Variants in EYS observed in about 807,000 individuals in gnomAD.
The protein encoded by EYS is protein eyes shut homolog.
A neutral mutation model predicts 282.1 loss-of-function variants in EYS; 250 were observed. The observed-to-expected ratio is 0.89, with a 90% CI of 0.80 to 0.98. The LOEUF (loss-of-function observed/expected upper bound fraction) is 0.98, where lower values mean the gene tolerates loss of function less well. Among genes scored for constraint, EYS ranks in the 50% least tolerant of loss-of-function variants. EYS has a pLI of 0.00. For synonymous variants in EYS, 1,355 were observed against 1,282.9 expected, an observed-to-expected ratio of 1.06 and a Z score of -1.20; for missense variants, 4,016 against 3,709.0, an observed-to-expected ratio of 1.08 and a Z score of -2.15.
At chr6:64,908,469 G>A (rs1359468398) in intron 16 of EYS, among the ~76,000 whole-genome samples, 1 of 151,998 alleles carries the variant, frequency 6.6e-6, no homozygotes, top group Non-Finnish European at 1.5e-5. Context: ...TGCCAGGGAG[G>A]GCAAAGGGCT....
intron 19 of EYS, among the ~76,000 whole-genome samples, chr6:64,852,855 T>C (rs2150042892): frequency 6.6e-6 from 1 of 152,218 alleles, no homozygotes; most frequent in South Asian, 2.1e-4. Context: ...GGGAGCATGG[T>C]CCTTCTGAAA....
At chr6:64,916,110 T>C (rs2150078727) in intron 15 of EYS, among the ~76,000 whole-genome samples, 1 of 152,302 alleles carries the variant, frequency 6.6e-6, no homozygotes, top group African/African-American at 2.4e-5. Flanking sequence ...ATGGCAATTT[T>C]AAGAGGAGAA....
intron 21 of EYS, among the ~76,000 whole-genome samples, 153 bp from the exon 22 acceptor site, chr6:64,813,730 C>T (rs1764667075): frequency 6.6e-6 from 1 of 151,992 alleles, no homozygotes; most frequent in East Asian, 1.9e-4. Flanking sequence ...ATGTTTATGA[C>T]AGTAAGCGGT....
chr6:65,452,812 C>T (rs1764454669), intron 5 of EYS, among the ~76,000 whole-genome samples: 1 of 151,868 alleles, frequency 6.6e-6, no homozygotes, highest in African/African-American at 2.4e-5. Flanking sequence ...TGTACGTGGC[C>T]CATATCAACA....
chr6:64,524,870 TA>T (rs1777869167), intron 26 of EYS, among the ~76,000 whole-genome samples: 1 of 151,578 alleles, frequency 6.6e-6, no homozygotes, highest in South Asian at 2.1e-4. Context: ...GCAAAACACA[TA>T]AACAGACACT....
intron 36 of EYS, among the ~76,000 whole-genome samples, chr6:63,838,620 T>A (rs1266680793): frequency 6.6e-6 from 1 of 152,176 alleles, no homozygotes; most frequent in Non-Finnish European, 1.5e-5. Context: ...CACAAAAGTT[T>A]CTTAGCATTT....
chr6:63,727,723 A>ATATATATATATATATAT (rs1409002144), intron 41 of EYS, among the ~76,000 whole-genome samples: 1 of 64,448 alleles, frequency 1.6e-5, no homozygotes, highest in Non-Finnish European at 2.7e-5. Flanking sequence ...AAAAAAAAAA[A>ATATATATATATATATAT]AAAAAAAAAA....
At chr6:63,812,141 G>A (rs990843610) in intron 36 of EYS, among the ~76,000 whole-genome samples, 1 of 152,122 alleles carries the variant, frequency 6.6e-6, no homozygotes, top group African/African-American at 2.4e-5. Flanking sequence ...CAAAACTCCT[G>A]AACATAGCCT....
At chr6:65,237,709 T>C (rs1335117364) in intron 12 of EYS, among the ~76,000 whole-genome samples, 1 of 152,180 alleles carries the variant, frequency 6.6e-6, no homozygotes, top group African/African-American at 2.4e-5. Context: ...AAGGTTATTA[T>C]GAGATTTAAA....
intron 33 of EYS, among the ~76,000 whole-genome samples, chr6:64,025,744 C>G (rs971126624): frequency 1.3e-4 from 20 of 152,178 alleles, no homozygotes; most frequent in African/African-American, 4.6e-4. Context: ...GAAAGTGTAT[C>G]CTTCCTATTC....
chr6:63,930,559 CATT>C (rs1361323418), intron 35 of EYS, among the ~76,000 whole-genome samples: 7 of 152,038 alleles, frequency 4.6e-5, no homozygotes, highest in Non-Finnish European at 1.0e-4. Context: ...ATTTTCAAAT[CATT>C]GTTTTTTTAA....
intron 12 of EYS, among the ~76,000 whole-genome samples, chr6:65,093,688 A>C (rs968235613): frequency 1.1e-4 from 16 of 151,870 alleles, no homozygotes; most frequent in African/African-American, 3.6e-4. Context: ...TAATTCCACA[A>C]GAAGATGGCA....
intron 13 of EYS, among the ~76,000 whole-genome samples, chr6:65,001,797 T>A (rs1382978717): frequency 6.8e-6 from 1 of 147,608 alleles, no homozygotes; most frequent in Non-Finnish European, 1.5e-5. Context: ...ACATTCTACA[T>A]GTGTGATATA....
intron 26 of EYS, among the ~76,000 whole-genome samples, chr6:64,544,926 A>G (rs1270100250): frequency 6.6e-6 from 1 of 152,220 alleles, no homozygotes; most frequent in Non-Finnish European, 1.5e-5. Context: ...TTCACAGCCA[A>G]ATTCTACCAG....
At chr6:64,856,341 C>T (rs191490378) in intron 19 of EYS, among the ~76,000 whole-genome samples, 1 of 152,176 alleles carries the variant, frequency 6.6e-6, no homozygotes, top group African/African-American at 2.4e-5. Flanking sequence ...ACTCTCATCA[C>T]CCAGGATGGA....
Position 64,816,542 on chromosome 6 carries a change from T to G in EYS, c.3244-2965A>C, listed in dbSNP as rs1021850997. Among the ~76,000 whole-genome samples the G allele has an allele frequency of 6.6e-5, 10 of 152,104 alleles. No homozygotes were observed. The East Asian group carries it at 1.9e-3, about 29-fold the overall frequency. ...CACTTTTGCATGAGTCGTGATAGGC[T>G]TTCCCTAACTTAGGGATTCAAGATT... On this transcript the variant is annotated intron_variant, in intron 21 of 42. Transcript: ENST00000503581.
chr6:64,218,213 T>C (rs150791100), intron 31 of EYS, among the ~76,000 whole-genome samples: 159 of 152,190 alleles, frequency 1.0e-3, no homozygotes, highest in African/African-American at 3.7e-3. Flanking sequence ...TACTGCCAGG[T>C]GAATTTATTT....
chr6:63,830,745 A>C (rs907056777), intron 36 of EYS, among the ~76,000 whole-genome samples: 1 of 152,194 alleles, frequency 6.6e-6, no homozygotes, highest in African/African-American at 2.4e-5. Flanking sequence ...GAGAAGAGCA[A>C]CTCCAAGACA....
At chr6:64,521,616 A>G (rs925145548) in intron 26 of EYS, among the ~76,000 whole-genome samples, 2 of 151,728 alleles carry the variant, frequency 1.3e-5, no homozygotes, top group African/African-American at 4.8e-5. Context: ...CTAACACAGA[A>G]CTACAAAGGG....
Sources: allele counts gnomAD v4.1 joint callset (sites outside exome capture counted in the v4.1 genomes callset), GRCh38; gene constraint gnomAD v4.1.1; transcripts MANE v1.5; gene names NCBI Gene and HGNC (gene_info 2026-07-23, HGNC 2026-07-21).